ARHGAP15: variants seen among roughly 807,000 people sequenced by gnomAD.
ARHGAP15 encodes the protein Rho GTPase activating protein 15, also known as rho GTPase-activating protein 15.
Under a neutral mutation model 63.7 loss-of-function variants are expected in ARHGAP15, and 51 were observed. That is an observed-to-expected ratio of 0.80 (90% CI 0.64 to 1.01). The LOEUF (loss-of-function observed/expected upper bound fraction) is 1.01, where lower values mean the gene tolerates loss of function less well. Among genes scored for constraint, ARHGAP15 ranks in the 50% least tolerant of loss-of-function variants. The pLI, the probability that ARHGAP15 is intolerant of heterozygous loss-of-function variation, is 0.00. For missense variants in ARHGAP15, 560 were observed against 564.6 expected (o/e 0.99, Z 0.08); for synonymous variants, 191 against 193.8 (o/e 0.99, Z 0.12).
At chr2:143,510,329 C>T (rs546000347) in intron 9 of ARHGAP15, among the ~76,000 whole-genome samples, 78 of 152,174 alleles carry the variant, frequency 5.1e-4, no homozygotes, top group African/African-American at 1.4e-4. Flanking sequence ...TGTATTTTCT[C>T]TCCCCACCCA....
At chr2:143,765,055 A>G (rs1686899676) in intron 13 of ARHGAP15, among the ~76,000 whole-genome samples, 2 of 151,954 alleles carry the variant, frequency 1.3e-5, no homozygotes. Flanking sequence ...CTTTTACCTA[A>G]TAAGTACTCA....
At chr2:143,155,405 G>A in intron 1 of ARHGAP15, 72 bp from the exon 2 acceptor site, 1 of 1,322,654 alleles carries the variant, frequency 7.6e-7, no homozygotes, top group South Asian at 1.5e-5. Context: ...TGATTACTAG[G>A]GACACTCCAT....
At chr2:143,340,849 G>A (rs563961094) in intron 6 of ARHGAP15, among the ~76,000 whole-genome samples, 1 of 152,124 alleles carries the variant, frequency 6.6e-6, no homozygotes, top group African/African-American at 2.4e-5. Context: ...TTCTTTTTCT[G>A]TTTTTCTGAC....
chr2:143,522,084 G>T (rs1287470271), intron 10 of ARHGAP15: 1 of 152,120 alleles, frequency 6.6e-6, no homozygotes, highest in Admixed American at 6.5e-5. Context: ...AGTGATATTA[G>T]TTACATTTTA....
intron 6 of ARHGAP15, among the ~76,000 whole-genome samples, chr2:143,403,059 A>G (rs1296426226): frequency 6.6e-6 from 1 of 151,956 alleles, no homozygotes; most frequent in Non-Finnish European, 1.5e-5. Context: ...AAGCTATACA[A>G]GTATAGCTAT....
intron 10 of ARHGAP15, among the ~76,000 whole-genome samples, chr2:143,537,163 G>T (rs1309980943): frequency 6.6e-6 from 1 of 152,134 alleles, no homozygotes; most frequent in African/African-American, 2.4e-5. Flanking sequence ...TTTTTTGGCT[G>T]CATAAATGTC....
intron 12 of ARHGAP15, among the ~76,000 whole-genome samples, chr2:143,661,982 G>A (rs1349426813): frequency 7.2e-5 from 11 of 152,198 alleles, no homozygotes; most frequent in East Asian, 3.9e-4. Flanking sequence ...AGGCGGCAGC[G>A]AGGCTGGGGG....
intron 1 of ARHGAP15, among the ~76,000 whole-genome samples, chr2:143,135,505 C>G (rs923485378): frequency 6.6e-6 from 1 of 152,070 alleles, no homozygotes; most frequent in Non-Finnish European, 1.5e-5. Flanking sequence ...AAGAGGTACA[C>G]AAAGATAAGT....
chr2:143,556,522 T>C (rs116427183), intron 11 of ARHGAP15, 37 bp downstream of exon 11: 22,720 of 1,484,112 alleles, frequency 0.015, 276 homozygotes, highest in South Asian at 0.036. Context: ...TTTCAAACAG[T>C]TTCATATGGA....
chr2:143,377,874 T>A (rs929738984), intron 6 of ARHGAP15, among the ~76,000 whole-genome samples: 5 of 152,094 alleles, frequency 3.3e-5, no homozygotes, highest in East Asian at 3.8e-4. Context: ...AGGCTTTTTT[T>A]ATATGTACTT....
intron 12 of ARHGAP15, among the ~76,000 whole-genome samples, chr2:143,688,149 A>G (rs1683433514): frequency 6.6e-6 from 1 of 152,168 alleles, no homozygotes; most frequent in Admixed American, 6.6e-5. Context: ...ATTCATATGT[A>G]ATACCTAATT....
At position 143,585,329 on chromosome 2, in the gene ARHGAP15, A is replaced by G. The variant is rs1008699579; in HGVS notation, c.1003+28844A>G. 2.6e-5 allele frequency among the ~76,000 whole-genome samples: 4 copies of G among 152,188 alleles called. No individual in the cohort carries two copies. The South Asian group carries it at 8.3e-4, about 31-fold the overall frequency. ...TTAAGAATATTTAAATAACTGCTAT[A>G]AAATTTAAATAATACAAAAATATAC... On this transcript the variant is annotated intron_variant, in intron 11 of 13. Transcript: ENST00000295095.
At chr2:143,134,278 C>G (rs1475958823) in intron 1 of ARHGAP15, among the ~76,000 whole-genome samples, 4 of 152,116 alleles carry the variant, frequency 2.6e-5, no homozygotes, top group Non-Finnish European at 5.9e-5. Context: ...GCCAAACTAT[C>G]CTTCATGTTA....
At chr2:143,578,254 A>T (rs575429266) in intron 11 of ARHGAP15, among the ~76,000 whole-genome samples, 5 of 147,876 alleles carry the variant, frequency 3.4e-5, no homozygotes, top group South Asian at 4.4e-4. Flanking sequence ...ACATGCTTTC[A>T]AGGTCTTTTA....
At chr2:143,738,236 A>G (rs150012726) in intron 13 of ARHGAP15, among the ~76,000 whole-genome samples, 238 of 150,316 alleles carry the variant, frequency 1.6e-3, no homozygotes, top group African/African-American at 5.4e-3. Context: ...GAAACAGCTC[A>G]ATCTGTGCCT....
intron 12 of ARHGAP15, among the ~76,000 whole-genome samples, chr2:143,654,660 TTGA>T (rs1255109456): frequency 6.6e-6 from 1 of 152,188 alleles, no homozygotes; most frequent in Non-Finnish European, 1.5e-5. Flanking sequence ...CTCAAAAAGG[TTGA>T]CTGACATTTC....
intron 2 of ARHGAP15, 124 bp downstream of exon 2, chr2:143,155,779 A>C (rs1690053176): frequency 2.1e-6 from 2 of 969,108 alleles, no homozygotes; most frequent in South Asian, 1.9e-5. Context: ...CTGTTTTTGT[A>C]ATGCATTTTA....
At chr2:143,337,313 T>C (rs753589765) in intron 6 of ARHGAP15, among the ~76,000 whole-genome samples, 25 of 152,174 alleles carry the variant, frequency 1.6e-4, no homozygotes, top group Non-Finnish European at 8.8e-5. Flanking sequence ...GCAGTTTTGA[T>C]GGCTGAGTTA....
At chr2:143,220,972 CA>C in intron 4 of ARHGAP15, among the ~76,000 whole-genome samples, 1 of 152,050 alleles carries the variant, frequency 6.6e-6, no homozygotes, top group East Asian at 1.9e-4. Context: ...TTATTTCTCC[CA>C]AATCTTATTT....
Sources: gnomAD v4.1 joint callset for allele counts (sites outside exome capture counted in the v4.1 genomes callset) on GRCh38, gnomAD v4.1.1 for gene constraint, MANE v1.5 for transcripts, NCBI Gene and HGNC (gene_info 2026-07-23, HGNC 2026-07-21) for gene names.